The following ATP6V1A variants were observed in gnomAD, a reference collection of about 807,000 sequenced individuals.
The protein encoded by ATP6V1A is ATPase H+ transporting V1 subunit A.
In ATP6V1A, 18 loss-of-function variants were observed where a neutral mutation model predicts 70.1. That is an observed-to-expected ratio of 0.26 (90% CI 0.18 to 0.38). The LOEUF is 0.38. Among genes scored for constraint, ATP6V1A ranks in the 10% least tolerant of loss-of-function variants. The probability of loss-of-function intolerance (pLI) is 1.00; values close to 1 mark genes in which losing one functional copy is unlikely to be tolerated. For missense variants in ATP6V1A, 424 were observed against 772.4 expected (o/e 0.55, Z 5.35); for synonymous variants, 232 against 253.8 (o/e 0.91, Z 0.82).
intron 1 of ATP6V1A, among the ~76,000 whole-genome samples, chr3:113,772,899 AATC>A (rs1470923191): frequency 1.9e-4 from 28 of 150,378 alleles, no homozygotes; most frequent in Non-Finnish European, 2.5e-4. Context: ...TCAGAATCAG[AATC>A]ATCATCATTT....
chr3:113,784,150 G>T (rs1183423678), intron 3 of ATP6V1A, 74 bp from the exon 4 acceptor site: 49 of 1,403,542 alleles, frequency 3.5e-5, no homozygotes, highest in Non-Finnish European at 4.8e-5. Flanking sequence ...GCATTTCCTT[G>T]TTAAACTGTG....
chr3:113,782,816 G>A (rs933844591), intron 3 of ATP6V1A, among the ~76,000 whole-genome samples: 1 of 151,632 alleles, frequency 6.6e-6, no homozygotes, highest in Non-Finnish European at 1.5e-5. Flanking sequence ...TAGAGATGGG[G>A]TTTCACCATC....
At chr3:113,769,607 C>A (rs1472869694) in intron 1 of ATP6V1A, among the ~76,000 whole-genome samples, 3 of 152,228 alleles carry the variant, frequency 2.0e-5, no homozygotes, top group East Asian at 3.9e-4. Flanking sequence ...AGAATAATTT[C>A]TGAAATAATG....
intron 8 of ATP6V1A, among the ~76,000 whole-genome samples, chr3:113,790,087 T>C (rs963970058): frequency 5.9e-5 from 9 of 151,926 alleles, no homozygotes; most frequent in Non-Finnish European, 1.0e-4. Flanking sequence ...CTGGCCAACA[T>C]GGTGAAACCC....
intron 1 of ATP6V1A, among the ~76,000 whole-genome samples, chr3:113,766,254 T>A (rs1000905448): frequency 6.6e-6 from 1 of 150,706 alleles, no homozygotes; most frequent in Non-Finnish European, 1.5e-5. Context: ...TATCCTCACA[T>A]GGTAGAGAGC....
chr3:113,772,555 G>C (rs933167171), intron 1 of ATP6V1A, among the ~76,000 whole-genome samples: 2 of 151,996 alleles, frequency 1.3e-5, no homozygotes, highest in Admixed American at 6.6e-5. Flanking sequence ...GTGAAATCCC[G>C]TCTCTACTAA....
chr3:113,784,571 A>G (rs1210634291), intron 4 of ATP6V1A, 125 bp from the exon 5 acceptor site: 3 of 1,405,852 alleles, frequency 2.1e-6, no homozygotes, highest in Admixed American at 4.5e-5. Context: ...TCTTAACTCT[A>G]CTTCATGGGA....
intron 8 of ATP6V1A, among the ~76,000 whole-genome samples, chr3:113,793,628 G>A (rs1433467247): frequency 6.6e-6 from 1 of 152,112 alleles, no homozygotes; most frequent in Non-Finnish European, 1.5e-5. Flanking sequence ...TTATTAGATT[G>A]GAATATGTGG....
chr3:113,780,714 T>A (rs1423344519), intron 2 of ATP6V1A: 1 of 1,281,724 alleles, frequency 7.8e-7, no homozygotes, highest in African/African-American at 1.5e-5. Flanking sequence ...TTTAAAAGTT[T>A]TTTTTATTGT....
At chr3:113,771,598 C>T (rs111713399) in intron 1 of ATP6V1A, among the ~76,000 whole-genome samples, 97 of 151,972 alleles carry the variant, frequency 6.4e-4, no homozygotes, top group African/African-American at 2.2e-3. Flanking sequence ...CCACCACACC[C>T]GGCTAATTTT....
At chr3:113,787,641 A>T (rs1709051803) in intron 6 of ATP6V1A, among the ~76,000 whole-genome samples, 1 of 152,238 alleles carries the variant, frequency 6.6e-6, no homozygotes, top group African/African-American at 2.4e-5. Context: ...ATCTCCCAGC[A>T]TAAAGGATGT....
At chr3:113,750,379 G>A (rs745446423) in intron 1 of ATP6V1A, among the ~76,000 whole-genome samples, 48 of 152,240 alleles carry the variant, frequency 3.2e-4, no homozygotes, top group Non-Finnish European at 6.8e-4. Context: ...CTACTCAGGA[G>A]GCTGAGGCAG....
rs1175282125 is a variant in ATP6V1A at position 113,784,321 on chromosome 3, A to G, written c.309A>G (p.Gln103=). 3.1e-6 allele frequency: 5 copies of G among 1,614,114 alleles called. No homozygotes were observed. The highest frequency in any genetic ancestry group is 2.5e-6 in the Non-Finnish European group (3 of 1,179,960). Residue 103 remains glutamine (Q), a synonymous_variant, in exon 4 of 15, where the codon CAA becomes CAG. Coordinates refer to ENST00000273398, the MANE Select transcript of ATP6V1A (RefSeq NM_001690.4). ...TGGGAGCCATTTTTGATGGTATTCA[A>G]AGACCTTTGTCGGATATCAGCAGTC... ...GIMGAIFDGI[Q]RPLSDISSQT...
chr3:113,799,907 A>G (rs1709190809), intron 12 of ATP6V1A, among the ~76,000 whole-genome samples: 1 of 152,160 alleles, frequency 6.6e-6, no homozygotes, highest in African/African-American at 2.4e-5. Context: ...GAAACAGTCC[A>G]TGCTCTTGGA....
At chr3:113,779,635 T>C (rs145080644) in intron 2 of ATP6V1A, among the ~76,000 whole-genome samples, 1 of 152,212 alleles carries the variant, frequency 6.6e-6, no homozygotes, top group Non-Finnish European at 1.5e-5. Flanking sequence ...ACTTGGTGTT[T>C]GAGCTTGATT....
intron 12 of ATP6V1A, among the ~76,000 whole-genome samples, chr3:113,802,512 A>G (rs976676184): frequency 6.6e-6 from 1 of 152,074 alleles, no homozygotes; most frequent in African/African-American, 2.4e-5. Context: ...TATTTTTAGT[A>G]GAGACGGGGT....
In ATP6V1A at chr3:113,778,850, A is replaced by G. The variant is rs772840519; in HGVS notation, c.82+15A>G. The G allele has an allele frequency of 1.0e-5, 15 of 1,482,708 alleles. No homozygotes were observed. The highest frequency in any genetic ancestry group is 2.4e-5 in the East Asian group (1 of 41,734). 91.8% of individuals were successfully genotyped at this position (1,482,708 alleles called of 1,614,324 possible). ...CTCAGGACCTGGTAAGTAATACATC[A>G]TAATCTCAAAATAAGGATATCTAAC... is the stretch of plus-strand genomic sequence containing the variant. On this transcript the variant is annotated intron_variant, in intron 2 of 14. Transcript: ENST00000273398.
At chr3:113,777,671 T>G (rs752287429) in intron 1 of ATP6V1A, among the ~76,000 whole-genome samples, 16 of 152,300 alleles carry the variant, frequency 1.1e-4, no homozygotes, top group African/African-American at 3.8e-4. Context: ...GAGGATCTCT[T>G]GAGCCCAGGA....
At chr3:113,762,979 T>A (rs1354387498) in intron 1 of ATP6V1A, among the ~76,000 whole-genome samples, 1 of 152,164 alleles carries the variant, frequency 6.6e-6, no homozygotes, top group Non-Finnish European at 1.5e-5. Context: ...TATTACCAAT[T>A]TTTTCCCCAT....
Sources: gnomAD v4.1 joint callset for allele counts (sites outside exome capture counted in the v4.1 genomes callset) on GRCh38, gnomAD v4.1.1 for gene constraint, MANE v1.5 for transcripts, NCBI Gene and HGNC (gene_info 2026-07-23, HGNC 2026-07-21) for gene names.